Variants in DENND1A observed in about 807,000 individuals in gnomAD.
DENND1A encodes DENN domain-containing protein 1A.
A neutral mutation model predicts 113.7 loss-of-function variants in DENND1A; 51 were observed. The observed-to-expected ratio is 0.45, with a 90% CI of 0.36 to 0.57. The LOEUF (loss-of-function observed/expected upper bound fraction) is 0.57. Among genes scored for constraint, DENND1A ranks in the 20% least tolerant of loss-of-function variants. The probability of loss-of-function intolerance (pLI) is 0.00; values close to 1 mark genes in which losing one functional copy is unlikely to be tolerated. For missense variants in DENND1A, 1,258 were observed against 1,395.9 expected (o/e 0.90, Z 1.57); for synonymous variants, 565 against 570.8 (o/e 0.99, Z 0.14).
At chr9:123,768,756 T>C (rs756127325) in intron 4 of DENND1A, among the ~76,000 whole-genome samples, 4 of 144,808 alleles carry the variant, frequency 2.8e-5, no homozygotes, top group Non-Finnish European at 6.3e-5. Context: ...AATAAAATAA[T>C]TGTTATTTTA....
intron 1 of DENND1A, among the ~76,000 whole-genome samples, chr9:123,884,207 C>T (rs1365395293): frequency 6.6e-6 from 1 of 152,164 alleles, no homozygotes; most frequent in African/African-American, 2.4e-5. Context: ...TCTGCGACCA[C>T]CTTGAGATTG....
At chr9:123,519,687 T>G (rs62579173) in intron 13 of DENND1A, among the ~76,000 whole-genome samples, 17,859 of 152,116 alleles carry the variant, frequency 0.12, 1,495 homozygotes, top group Non-Finnish European at 0.18. Flanking sequence ...CAAAGTGCTT[T>G]GATTACAGAT....
intron 13 of DENND1A, among the ~76,000 whole-genome samples, chr9:123,537,978 C>CA (rs1366835716): frequency 6.6e-6 from 1 of 152,242 alleles, no homozygotes; most frequent in African/African-American, 2.4e-5. Context: ...CAGTAACAGA[C>CA]AGAGTCCCCT....
intron 10 of DENND1A, among the ~76,000 whole-genome samples, chr9:123,610,165 A>G (rs533126499): frequency 5.3e-5 from 8 of 152,284 alleles, no homozygotes; most frequent in East Asian, 3.9e-4. Context: ...CTAAACTCCA[A>G]TGGGTTTAAA....
At chr9:123,620,213 C>CAAAAAAAAAAAA (rs34196587) in intron 10 of DENND1A, among the ~76,000 whole-genome samples, 26 of 59,006 alleles carry the variant, frequency 4.4e-4, no homozygotes, top group African/African-American at 1.1e-3. Context: ...GACTCCATCT[C>CAAAAAAAAAAAA]AAAAAAAAAA....
intron 2 of DENND1A, among the ~76,000 whole-genome samples, chr9:123,844,655 T>C (rs989841124): frequency 6.6e-6 from 1 of 152,184 alleles, no homozygotes; most frequent in Non-Finnish European, 1.5e-5. Flanking sequence ...CAAATGAATC[T>C]ACAGATTCAA....
At chr9:123,472,086 C>G (rs1291242897) in intron 13 of DENND1A, among the ~76,000 whole-genome samples, 7 of 152,154 alleles carry the variant, frequency 4.6e-5, no homozygotes, top group Admixed American at 3.3e-4. Context: ...TCAAGCTGCC[C>G]GTACTTTGGA....
chr9:123,514,838 T>C (rs558316698), intron 13 of DENND1A, among the ~76,000 whole-genome samples: 2 of 152,086 alleles, frequency 1.3e-5, no homozygotes, highest in Admixed American at 6.6e-5. Context: ...TAGGAATGAG[T>C]ATACCTGGTG....
chr9:123,603,126 A>G (rs781195189), intron 11 of DENND1A, among the ~76,000 whole-genome samples: 7 of 152,110 alleles, frequency 4.6e-5, no homozygotes, highest in Non-Finnish European at 7.4e-5. Flanking sequence ...AACAAGAAAC[A>G]CTCTTCTTTA....
chr9:123,674,342 T>TCTCACACACACA (rs36033303), intron 6 of DENND1A, among the ~76,000 whole-genome samples: 8 of 132,298 alleles, frequency 6.0e-5, no homozygotes, highest in Admixed American at 3.8e-4. Flanking sequence ...TGTCTCTCTC[T>TCTCACACACACA]CACACACACA....
At chr9:123,789,219 T>C (rs1045467621) in intron 3 of DENND1A, among the ~76,000 whole-genome samples, 9 of 152,122 alleles carry the variant, frequency 5.9e-5, no homozygotes, top group Non-Finnish European at 1.3e-4. Flanking sequence ...ATAGATGTCA[T>C]TGTGGTCTGA....
At chr9:123,684,805 T>C (rs1461535903) in intron 5 of DENND1A, among the ~76,000 whole-genome samples, 1 of 152,218 alleles carries the variant, frequency 6.6e-6, no homozygotes, top group East Asian at 1.9e-4. Context: ...CCTGGCCCTC[T>C]GCTAGGTACA....
At position 123,667,043 on chromosome 9, in the gene DENND1A, G is replaced by C. The variant is rs745786864; in HGVS notation, c.490C>G (p.Pro164Ala). 1 of 1,595,532 alleles carries C rather than the reference G, an allele frequency of 6.3e-7. No homozygotes were observed. Among genetic ancestry groups the C allele is most frequent in the Admixed American group, 1.8e-5 (1 of 56,022 alleles). ...GTACTTACATTCTCAGGTATGCTGG[G>C]AAGTTCTCTGGTATCAGGCACAGTA... Reference protein sequence around the residue: ...YFTVPDTRELPSIPENRNLTE... With the variant: ...YFTVPDTRELASIPENRNLTE... The change falls in exon 8 of 24, where the codon CCC (proline) becomes GCC (alanine). Residue 164 changes from proline to alanine, a missense_variant. By Grantham distance (27) the Pro-to-Ala change is conservative. Around this residue, in one of 2 missense-constraint regions of DENND1A, gnomAD observed 1,159 missense variants for 1,231.7 expected, o/e 0.94. Coordinates refer to ENST00000394215, the MANE Select transcript of DENND1A (RefSeq NM_001352964.2).
chr9:123,495,179 C>T (rs1038065168), intron 13 of DENND1A, among the ~76,000 whole-genome samples: 3 of 149,012 alleles, frequency 2.0e-5, no homozygotes, highest in Non-Finnish European at 4.4e-5. Context: ...CTTATAATGT[C>T]TGTTTCCCTC....
At chr9:123,911,447 T>C (rs952142121) in intron 1 of DENND1A, among the ~76,000 whole-genome samples, 1 of 152,234 alleles carries the variant, frequency 6.6e-6, no homozygotes, top group Non-Finnish European at 1.5e-5. Context: ...ACACTTTTGT[T>C]AACTGTAAGA....
chr9:123,819,678 C>T (rs111521106), intron 2 of DENND1A, among the ~76,000 whole-genome samples: 17,013 of 151,996 alleles, frequency 0.11, 1,062 homozygotes, highest in Admixed American at 0.13. Flanking sequence ...GCTAGGACTA[C>T]AGGTGCATGC....
rs373999892 is a variant in DENND1A at position 123,735,462 on chromosome 9, A to G, written c.302+22241T>C. Among the ~76,000 whole-genome samples, 70 of 152,192 alleles carry G rather than the reference A, an allele frequency of 4.6e-4. No individual in the cohort carries two copies. In the East Asian group the frequency reaches 0.012, roughly 26 times the overall value. On this transcript the variant is annotated intron_variant, in intron 5 of 23. Transcript: ENST00000394215. ...TGACTCCACAGCTCACACTCTCTGC[A>G]CTCACTTGCAGAGACTTCCCGATGC...
chr9:123,662,387 C>A (rs1390604115), intron 8 of DENND1A, among the ~76,000 whole-genome samples: 1 of 152,150 alleles, frequency 6.6e-6, no homozygotes, highest in Non-Finnish European at 1.5e-5. Flanking sequence ...CATGGTGAAA[C>A]CCCATCTGTA....
At chr9:123,427,531 C>G (rs1289230771) in intron 19 of DENND1A, among the ~76,000 whole-genome samples, 5 of 152,160 alleles carry the variant, frequency 3.3e-5, no homozygotes, top group Non-Finnish European at 7.4e-5. Context: ...CCTCCTCTAT[C>G]TGGTGCCCTG....
Sources: gnomAD v4.1 joint callset for allele counts (sites outside exome capture counted in the v4.1 genomes callset) on GRCh38, gnomAD v4.1.1 for gene constraint, gnomAD v4.1.1 regional missense constraint, MANE v1.5 for transcripts, NCBI Gene and HGNC (gene_info 2026-07-23, HGNC 2026-07-21) for gene names.